The following EYS variants were observed in gnomAD, a reference collection of about 807,000 sequenced individuals.
The protein encoded by EYS is EGF-like photoreceptor maintenance factor.
A neutral mutation model predicts 282.1 loss-of-function variants in EYS; 250 were observed. The ratio of observed to expected loss-of-function variants is 0.89; its 90% CI spans 0.80 to 0.98. The LOEUF (loss-of-function observed/expected upper bound fraction) is 0.98, where lower values mean the gene tolerates loss of function less well. Ranked by LOEUF, EYS falls within the 50% of genes least tolerant of loss-of-function variation. EYS has a pLI of 0.00. For synonymous variants in EYS, 1,355 were observed against 1,282.9 expected (o/e 1.06, Z -1.20); for missense variants, 4,016 against 3,709.0 (o/e 1.08, Z -2.15).
intron 19 of EYS, among the ~76,000 whole-genome samples, chr6:64,857,611 G>C (rs998977749): frequency 6.6e-6 from 1 of 151,918 alleles, no homozygotes; most frequent in African/African-American, 2.4e-5. Context: ...CCATTCTTTC[G>C]GATATGTATT....
chr6:65,200,305 T>C (rs1178571533), intron 12 of EYS, among the ~76,000 whole-genome samples: 1 of 151,602 alleles, frequency 6.6e-6, no homozygotes, highest in Non-Finnish European at 1.5e-5. Flanking sequence ...CAGGTGGAGA[T>C]GACTAGTAAC....
At chr6:65,156,721 A>C (rs1012869926) in intron 12 of EYS, among the ~76,000 whole-genome samples, 4 of 150,966 alleles carry the variant, frequency 2.6e-5, no homozygotes, top group African/African-American at 9.7e-5. Context: ...TATTATCCAA[A>C]ATACCCTTGC....
chr6:64,075,241 C>A (rs571239354), intron 32 of EYS, among the ~76,000 whole-genome samples: 3 of 151,928 alleles, frequency 2.0e-5, no homozygotes, highest in Non-Finnish European at 4.4e-5. Context: ...ACAATGATGA[C>A]ATGGGCTGAT....
At chr6:65,260,914 C>T (rs1029762693) in intron 12 of EYS, among the ~76,000 whole-genome samples, 1 of 152,002 alleles carries the variant, frequency 6.6e-6, no homozygotes, top group African/African-American at 2.4e-5. Flanking sequence ...TGTTCTTTGA[C>T]TCTATTAATC....
intron 31 of EYS, among the ~76,000 whole-genome samples, chr6:64,084,587 A>T (rs1362945081): frequency 2.6e-5 from 4 of 152,206 alleles, no homozygotes; most frequent in Admixed American, 1.3e-4. Flanking sequence ...TTAGTCTTAT[A>T]CCCTCCCCTA....
chr6:64,605,102 A>G (rs970101312), intron 24 of EYS, among the ~76,000 whole-genome samples: 10 of 151,994 alleles, frequency 6.6e-5, no homozygotes, highest in African/African-American at 2.4e-4. Context: ...GCTATTTCTT[A>G]TTGAATATTG....
intron 16 of EYS, among the ~76,000 whole-genome samples, chr6:64,909,399 C>T (rs1201909357): frequency 6.6e-6 from 1 of 151,958 alleles, no homozygotes; most frequent in African/African-American, 2.4e-5. Flanking sequence ...AAATAAAACC[C>T]ATTTGTTTAT....
rs900364370 is a variant in EYS at position 65,270,770 on chromosome 6, T to A, written c.2023+25093A>T. 3.3e-5 allele frequency among the ~76,000 whole-genome samples: 5 copies of A among 152,022 alleles called. 1 individual carries two copies. The highest frequency in any genetic ancestry group is 1.3e-4 in the Admixed American group (2 of 15,242). On this transcript the variant is annotated intron_variant, in intron 12 of 42. Transcript: ENST00000503581. ...AGAACATAAATAAAATTCAGCAAAG[T>A]TCTTTGCTAGTTTATAACACAGATC... is the stretch of plus-strand genomic sequence containing the variant.
rs186535501 is a variant in EYS, at chr6:65,358,654, A to T, written c.1300-5037T>A. On this transcript the variant is annotated intron_variant, in intron 8 of 42. Coordinates refer to ENST00000503581, the MANE Select transcript of EYS (RefSeq NM_001142800.2). ...TGTGTGTGTGTTGGGAGAAGGGGGG[A>T]TTTAGTTACCATAGAAAAACCCAAC... Among the ~76,000 whole-genome samples, 635 of 142,392 alleles carry T rather than the reference A, an allele frequency of 4.5e-3. 7 individuals are homozygous for T. The highest frequency in any genetic ancestry group is 0.016 in the African/African-American group (593 of 37,120). The allele number at this position is 142,392 out of a possible 152,430, so 93.4% of individuals were successfully genotyped here. A position where few individuals can be genotyped will look rare whatever the true frequency, so the allele number is the denominator to read the frequency against.
At chr6:65,217,452 A>T (rs527459442) in intron 12 of EYS, among the ~76,000 whole-genome samples, 1 of 152,080 alleles carries the variant, frequency 6.6e-6, no homozygotes, top group Non-Finnish European at 1.5e-5. Flanking sequence ...TACTGTAAAG[A>T]TGGCCTAGCA....
intron 18 of EYS, among the ~76,000 whole-genome samples, chr6:64,887,162 C>T (rs35926039): frequency 0.063 from 9,567 of 151,224 alleles, 405 homozygotes; most frequent in African/African-American, 0.12. Flanking sequence ...CCATCATTCT[C>T]AGCAAACTAT....
chr6:65,346,195 CT>C (rs1770386160), intron 9 of EYS, among the ~76,000 whole-genome samples: 1 of 151,742 alleles, frequency 6.6e-6, no homozygotes, highest in Non-Finnish European at 1.5e-5. Flanking sequence ...ATGGCCCATC[CT>C]TGTATGGTCA....
intron 2 of EYS, among the ~76,000 whole-genome samples, chr6:65,555,307 A>C (rs915812492): frequency 2.6e-5 from 4 of 152,172 alleles, no homozygotes; most frequent in African/African-American, 9.6e-5. Context: ...ATAGATTTAT[A>C]AATTACCAAA....
chr6:63,797,787 T>C (rs910839683), intron 37 of EYS: 1 of 152,216 alleles, frequency 6.6e-6, no homozygotes, highest in African/African-American at 2.4e-5. Flanking sequence ...CAAATTAATA[T>C]GGTGTCCTGA....
intron 33 of EYS, among the ~76,000 whole-genome samples, chr6:64,038,019 C>T (rs143174698): frequency 0.011 from 1,601 of 152,114 alleles, 30 homozygotes; most frequent in African/African-American, 0.036. Context: ...TATTTTAGAT[C>T]AAATTGACTT....
At chr6:65,084,289 G>A (rs1774305341) in intron 12 of EYS, among the ~76,000 whole-genome samples, 1 of 151,908 alleles carries the variant, frequency 6.6e-6, no homozygotes, top group African/African-American at 2.4e-5. Flanking sequence ...TTACATATAA[G>A]AATAAAGATT....
At chr6:64,856,785 T>C (rs1243763779) in intron 19 of EYS, among the ~76,000 whole-genome samples, 2 of 152,178 alleles carry the variant, frequency 1.3e-5, no homozygotes, top group South Asian at 2.1e-4. Context: ...CTTATGTTTT[T>C]TTTTCTTCTC....
At chr6:65,311,858 A>G (rs1769169879) in intron 11 of EYS, among the ~76,000 whole-genome samples, 1 of 152,200 alleles carries the variant, frequency 6.6e-6, no homozygotes, top group South Asian at 2.1e-4. Flanking sequence ...ATGGGATGCC[A>G]AGTTAAATGT....
At chr6:64,335,195 A>G (rs1206208246) in intron 29 of EYS, among the ~76,000 whole-genome samples, 2 of 152,116 alleles carry the variant, frequency 1.3e-5, no homozygotes, top group Non-Finnish European at 2.9e-5. Flanking sequence ...TACTAGTAGT[A>G]GTAACAGAAA....
Sources: allele counts gnomAD v4.1 joint callset (sites outside exome capture counted in the v4.1 genomes callset), GRCh38; gene constraint gnomAD v4.1.1; transcripts MANE v1.5; gene names NCBI Gene and HGNC (gene_info 2026-07-23, HGNC 2026-07-21).